The following RPH3A variants were observed in gnomAD, a reference collection of about 807,000 sequenced individuals.
RPH3A encodes the protein rabphilin-3A.
Under a neutral mutation model 102.2 loss-of-function variants are expected in RPH3A, and 48 were observed. The ratio of observed to expected loss-of-function variants is 0.47; its 90% CI spans 0.37 to 0.60. The LOEUF is 0.60. RPH3A is among the 20% of genes least tolerant of loss of function. The pLI is 0.00. For missense variants in RPH3A, 781 were observed against 910.1 expected (o/e 0.86, Z 1.83); for synonymous variants, 310 against 324.3 (o/e 0.96, Z 0.47).
intron 3 of RPH3A, among the ~76,000 whole-genome samples, chr12:112,829,920 C>A (rs1432929672): frequency 6.6e-6 from 1 of 152,154 alleles, no homozygotes; most frequent in Non-Finnish European, 1.5e-5. Flanking sequence ...AAGTGAAAGA[C>A]AAGTGTTAAA....
chr12:112,765,543 T>A (rs111509527), intron 1 of RPH3A, among the ~76,000 whole-genome samples: 3 of 152,140 alleles, frequency 2.0e-5, no homozygotes, highest in Non-Finnish European at 4.4e-5. Flanking sequence ...CCATATTACA[T>A]TGTGGTCTTG....
At chr12:112,774,926 C>G (rs1383140387) in intron 1 of RPH3A, among the ~76,000 whole-genome samples, 1 of 151,986 alleles carries the variant, frequency 6.6e-6, no homozygotes, top group South Asian at 2.1e-4. Flanking sequence ...ACCTATGTAA[C>G]AAACCTGCCC....
intron 16 of RPH3A, among the ~76,000 whole-genome samples, chr12:112,884,970 G>A (rs2042980650): frequency 6.6e-6 from 1 of 152,122 alleles, no homozygotes; most frequent in Admixed American, 6.5e-5. Context: ...AAATTTTATT[G>A]TGTGGCTCTT....
intron 1 of RPH3A, among the ~76,000 whole-genome samples, chr12:112,731,217 A>AAG (rs1173515649): frequency 2.6e-5 from 4 of 151,402 alleles, no homozygotes; most frequent in African/African-American, 9.7e-5. Context: ...GGATCAGAGA[A>AAG]AGAGAGAGAG....
At chr12:112,675,651 T>C (rs1319729475) in intron 1 of RPH3A, among the ~76,000 whole-genome samples, 1 of 152,146 alleles carries the variant, frequency 6.6e-6, no homozygotes, top group African/African-American at 2.4e-5. Context: ...TTTGGGAAGG[T>C]TTTTTGAGGG....
chr12:112,635,263 G>A (rs1341629903), intron 1 of RPH3A, among the ~76,000 whole-genome samples: 1 of 152,210 alleles, frequency 6.6e-6, no homozygotes, highest in Non-Finnish European at 1.5e-5. Flanking sequence ...TGGCCTATGG[G>A]CTGTTGTTTG....
chr12:112,803,694 C>A (rs187232236), intron 2 of RPH3A, among the ~76,000 whole-genome samples: 122 of 152,162 alleles, frequency 8.0e-4, no homozygotes, highest in African/African-American at 2.9e-3. Flanking sequence ...GAAATTGATT[C>A]TTTAGTCTTC....
intron 1 of RPH3A, among the ~76,000 whole-genome samples, chr12:112,720,172 T>C (rs2040541422): frequency 1.3e-5 from 2 of 152,232 alleles, no homozygotes; most frequent in African/African-American, 4.8e-5. Flanking sequence ...CTTGTGTGTG[T>C]GTGGTATGTG....
chr12:112,886,664 C>T (rs1452751013), intron 16 of RPH3A, among the ~76,000 whole-genome samples: 3 of 152,126 alleles, frequency 2.0e-5, no homozygotes, highest in African/African-American at 7.2e-5. Flanking sequence ...TTTTGTGCCA[C>T]TGTTACTCAA....
chr12:112,858,490 C>A (rs2042451750), intron 5 of RPH3A, among the ~76,000 whole-genome samples: 1 of 152,052 alleles, frequency 6.6e-6, no homozygotes, highest in African/African-American at 2.4e-5. Flanking sequence ...TTCGCACATG[C>A]TATTCCCCGG....
chr12:112,581,903 A>C lies in RPH3A; in HGVS notation c.-140+6584A>C, dbSNP rs1350325346. Among the ~76,000 whole-genome samples the C allele has an allele frequency of 1.4e-5, 2 of 147,736 alleles. 1 individual carries two copies. The highest frequency in any genetic ancestry group is 5.0e-5 in the African/African-American group (2 of 39,798). On this transcript the variant is annotated intron_variant, in intron 1 of 21. Coordinates refer to the RPH3A transcript ENST00000543106. Reference sequence around the variant, plus strand: ...GCTTAGTTTCTTTTTCCGTTGAGTAAGACGTTTTGGACCAGATGACCTCTA... The same window carrying C: ...GCTTAGTTTCTTTTTCCGTTGAGTACGACGTTTTGGACCAGATGACCTCTA...
intron 1 of RPH3A, among the ~76,000 whole-genome samples, chr12:112,599,520 C>T (rs1042005566): frequency 6.6e-6 from 1 of 152,072 alleles, no homozygotes; most frequent in African/African-American, 2.4e-5. Context: ...ATTGACCCTG[C>T]CCTGGGCACA....
intron 1 of RPH3A, among the ~76,000 whole-genome samples, chr12:112,705,634 A>T (rs909415783): frequency 6.6e-6 from 1 of 152,148 alleles, no homozygotes; most frequent in South Asian, 2.1e-4. Context: ...TTAAAAATTA[A>T]TTTTTTTAAT....
At chr12:112,630,177 A>G (rs2039794338) in intron 1 of RPH3A, among the ~76,000 whole-genome samples, 1 of 151,950 alleles carries the variant, frequency 6.6e-6, no homozygotes, top group African/African-American at 2.4e-5. Context: ...TCCATCATCC[A>G]TCCACCCATC....
intron 5 of RPH3A, among the ~76,000 whole-genome samples, chr12:112,849,848 G>A (rs760288656): frequency 1.3e-5 from 2 of 152,200 alleles, no homozygotes; most frequent in African/African-American, 2.4e-5. Context: ...AAAGTACTCT[G>A]ACTGGCTTAT....
chr12:112,707,679 C>T (rs1175383605), intron 1 of RPH3A, among the ~76,000 whole-genome samples: 1 of 152,226 alleles, frequency 6.6e-6, no homozygotes, highest in African/African-American at 2.4e-5. Flanking sequence ...GGGTATTTGC[C>T]ATCCCAGAAT....
intron 1 of RPH3A, among the ~76,000 whole-genome samples, chr12:112,612,169 TG>T (rs869152285): frequency 1.3e-5 from 2 of 152,116 alleles, no homozygotes; most frequent in Non-Finnish European, 2.9e-5. Flanking sequence ...AAATATTTTT[TG>T]GGGGGGTGGG....
At chr12:112,590,266 A>G (rs1396671176) in intron 1 of RPH3A, among the ~76,000 whole-genome samples, 2 of 152,176 alleles carry the variant, frequency 1.3e-5, no homozygotes. Context: ...AGAGCCAGTG[A>G]GTGGCACAGC....
chr12:112,658,822 T>C (rs986762547), intron 1 of RPH3A, among the ~76,000 whole-genome samples: 2 of 152,208 alleles, frequency 1.3e-5, no homozygotes, highest in Non-Finnish European at 2.9e-5. Context: ...TGGTTCCTGT[T>C]GGACTGGTGC....
Sources: gnomAD v4.1 joint callset for allele counts (sites outside exome capture counted in the v4.1 genomes callset) on GRCh38, gnomAD v4.1.1 for gene constraint, MANE v1.5 for transcripts, NCBI Gene and HGNC (gene_info 2026-07-23, HGNC 2026-07-21) for gene names.